L3MBTL4: variants seen among roughly 807,000 people sequenced by gnomAD.
The protein encoded by L3MBTL4 is L3MBTL histone methyl-lysine binding protein 4.
Under a neutral mutation model 84.5 loss-of-function variants are expected in L3MBTL4, and 70 were observed. The ratio of observed to expected loss-of-function variants is 0.83; its 90% CI spans 0.68 to 1.01. The LOEUF (loss-of-function observed/expected upper bound fraction) is 1.01, where lower values mean the gene tolerates loss of function less well. L3MBTL4 is among the 50% of genes least tolerant of loss of function. L3MBTL4 has a pLI of 0.00. For synonymous variants in L3MBTL4, 274 were observed against 259.8 expected (o/e 1.05, Z -0.52); for missense variants, 715 against 754.8 (o/e 0.95, Z 0.62).
intron 11 of L3MBTL4, among the ~76,000 whole-genome samples, chr18:6,213,520 C>G (rs1413017747): frequency 6.6e-6 from 1 of 152,218 alleles, no homozygotes; most frequent in Non-Finnish European, 1.5e-5. Flanking sequence ...TCAAGCGATT[C>G]TCCTGCCTCA....
chr18:5,970,184 G>A lies in L3MBTL4; in HGVS notation c.1445-622C>T, dbSNP rs538718079. Among the ~76,000 whole-genome samples the A allele has an allele frequency of 1.1e-3, 174 of 152,302 alleles. 1 individual carries two copies. Among genetic ancestry groups the A allele is most frequent in the African/African-American group, 4.0e-3 (168 of 41,564 alleles). ...TGGGGTGACATCCTGTGGCAGCCAGGGACTTTGGAAAGCAGCGGAAGCTGA... is the reference window on the plus strand; with the variant it reads ...TGGGGTGACATCCTGTGGCAGCCAGAGACTTTGGAAAGCAGCGGAAGCTGA... On this transcript the variant is annotated intron_variant, in intron 16 of 18. Coordinates refer to ENST00000317931, the MANE Select transcript of L3MBTL4 (RefSeq NM_001330559.2).
chr18:6,391,540 A>T (rs1599882140), intron 1 of L3MBTL4, among the ~76,000 whole-genome samples: 1 of 152,134 alleles, frequency 6.6e-6, no homozygotes, highest in South Asian at 2.1e-4. Flanking sequence ...AGGGAGTCAA[A>T]CTAACACTGT....
At chr18:6,251,658 A>G (rs1205057619) in intron 5 of L3MBTL4, among the ~76,000 whole-genome samples, 1 of 152,218 alleles carries the variant, frequency 6.6e-6, no homozygotes, top group Non-Finnish European at 1.5e-5. Context: ...CCCCCTTGCT[A>G]ATTAAAGACT....
At chr18:6,196,218 C>T (rs1403114419) in intron 12 of L3MBTL4, among the ~76,000 whole-genome samples, 1 of 147,002 alleles carries the variant, frequency 6.8e-6, no homozygotes, top group Non-Finnish European at 1.5e-5. Context: ...ACTGCAGTGG[C>T]ATGATCTCAG....
intron 4 of L3MBTL4, among the ~76,000 whole-genome samples, chr18:6,290,806 G>A (rs2049830135): frequency 6.6e-6 from 1 of 152,136 alleles, no homozygotes; most frequent in South Asian, 2.1e-4. Flanking sequence ...AGGATTACAG[G>A]AGTGAGCCAC....
intron 4 of L3MBTL4, among the ~76,000 whole-genome samples, chr18:6,288,531 C>T (rs1025911265): frequency 6.6e-6 from 1 of 152,002 alleles, no homozygotes; most frequent in African/African-American, 2.4e-5. Context: ...GGTCATGAAC[C>T]TATGAACCCA....
At chr18:6,213,084 T>C (rs551182924) in intron 12 of L3MBTL4, 65 bp downstream of exon 12, 3 of 823,112 alleles carry the variant, frequency 3.6e-6, no homozygotes, top group African/African-American at 1.8e-5. Context: ...AATGGGAGGG[T>C]AGAGGAAACA....
At chr18:6,178,698 T>TAC (rs1470550591) in intron 12 of L3MBTL4, among the ~76,000 whole-genome samples, 58 of 152,332 alleles carry the variant, frequency 3.8e-4, no homozygotes, top group African/African-American at 1.4e-3. Flanking sequence ...CCTAATGGTA[T>TAC]TAACGTTACA....
At position 6,039,733 on chromosome 18, in the gene L3MBTL4, G is replaced by A. The variant is rs146425481; in HGVS notation, c.1444+41148C>T. ...GTCCCTTCATGCTGGGTAAGCTTCC[G>A]CCTTTCTAGAAAAGGGTCAAGTGTC... On this transcript the variant is annotated intron_variant, in intron 16 of 18. Transcript: ENST00000317931. 6.2e-4 allele frequency among the ~76,000 whole-genome samples: 95 copies of A among 152,242 alleles called. No homozygotes were observed. In the East Asian group the frequency reaches 0.014, roughly 22 times the overall value.
intron 4 of L3MBTL4, among the ~76,000 whole-genome samples, chr18:6,282,740 C>G (rs768926570): frequency 6.6e-6 from 1 of 152,110 alleles, no homozygotes; most frequent in Non-Finnish European, 1.5e-5. Flanking sequence ...AACAATGCAG[C>G]TGGCATTGTG....
intron 16 of L3MBTL4, among the ~76,000 whole-genome samples, chr18:6,035,540 T>G (rs1337254522): frequency 6.6e-6 from 1 of 152,124 alleles, no homozygotes; most frequent in Non-Finnish European, 1.5e-5. Flanking sequence ...CATGCTGTTT[T>G]GGTTACTGTA....
At chr18:6,006,743 A>T (rs1243741720) in intron 16 of L3MBTL4, among the ~76,000 whole-genome samples, 1 of 152,206 alleles carries the variant, frequency 6.6e-6, no homozygotes, top group African/African-American at 2.4e-5. Flanking sequence ...ATAATGTGGC[A>T]CAAGTACATA....
At chr18:6,123,965 C>T (rs1186245342) in intron 14 of L3MBTL4, among the ~76,000 whole-genome samples, 2 of 152,172 alleles carry the variant, frequency 1.3e-5, no homozygotes, top group Non-Finnish European at 2.9e-5. Context: ...TTTGTAGCTG[C>T]CATGTATTCC....
intron 10 of L3MBTL4, among the ~76,000 whole-genome samples, chr18:6,219,196 G>C (rs1266734862): frequency 6.6e-6 from 1 of 151,796 alleles, no homozygotes; most frequent in South Asian, 2.1e-4. Flanking sequence ...GAACAATGAC[G>C]CGTGGCTCCA....
chr18:6,171,985 A>T (rs2043996002), intron 12 of L3MBTL4, 43 bp from the exon 13 acceptor site: 3 of 919,472 alleles, frequency 3.3e-6, no homozygotes, highest in Admixed American at 4.8e-5. Context: ...AGTAATTAGG[A>T]TTTCACTATT....
chr18:6,014,748 G>C (rs1303370444), intron 16 of L3MBTL4, among the ~76,000 whole-genome samples: 1 of 152,134 alleles, frequency 6.6e-6, no homozygotes, highest in Admixed American at 6.5e-5. Flanking sequence ...AAGAAAACTT[G>C]ACCTTACCCC....
chr18:6,114,610 T>C (rs2059301999), intron 14 of L3MBTL4, among the ~76,000 whole-genome samples: 1 of 152,254 alleles, frequency 6.6e-6, no homozygotes, highest in Non-Finnish European at 1.5e-5. Context: ...CAGTCAAGAA[T>C]ATCAATGAAG....
intron 15 of L3MBTL4, among the ~76,000 whole-genome samples, chr18:6,088,010 T>A (rs1255357179): frequency 6.6e-6 from 1 of 152,224 alleles, no homozygotes; most frequent in Non-Finnish European, 1.5e-5. Flanking sequence ...ATCTATAATG[T>A]GAAACATAAA....
chr18:6,046,844 C>G (rs372422286), intron 16 of L3MBTL4: 1 of 703,862 alleles, frequency 1.4e-6, no homozygotes. Flanking sequence ...TCTAGAGGAA[C>G]TAGAAAAACA....
Sources: gnomAD v4.1 joint callset for allele counts (sites outside exome capture counted in the v4.1 genomes callset) on GRCh38, gnomAD v4.1.1 for gene constraint, MANE v1.5 for transcripts, NCBI Gene and HGNC (gene_info 2026-07-23, HGNC 2026-07-21) for gene names.